Variants in RSPO2 observed in about 807,000 individuals in gnomAD.
The protein encoded by RSPO2 is R-spondin 2.
In RSPO2, 14 loss-of-function variants were observed where a neutral mutation model predicts 30.9. That is an observed-to-expected ratio of 0.45 (90% CI 0.30 to 0.71). RSPO2 has a LOEUF of 0.71. Ranked by LOEUF, RSPO2 falls within the 30% of genes least tolerant of loss-of-function variation. RSPO2 has a pLI of 0.08. For synonymous variants in RSPO2, 107 were observed against 96.4 expected (o/e 1.11, Z -0.64); for missense variants, 264 against 301.9 (o/e 0.87, Z 0.93).
intron 2 of RSPO2, among the ~76,000 whole-genome samples, chr8:108,064,156 A>C (rs1411034253): frequency 3.9e-5 from 6 of 152,202 alleles, no homozygotes; most frequent in Non-Finnish European, 8.8e-5. Flanking sequence ...AACCAATGGC[A>C]ACAAAAGCCA....
At chr8:107,979,066 C>G (rs1467345852) in intron 3 of RSPO2, among the ~76,000 whole-genome samples, 1 of 152,172 alleles carries the variant, frequency 6.6e-6, no homozygotes, top group African/African-American at 2.4e-5. Flanking sequence ...AATAGGAACA[C>G]TTTTACATTG....
intron 5 of RSPO2, among the ~76,000 whole-genome samples, chr8:107,939,025 C>T (rs866921280): frequency 6.6e-6 from 1 of 152,080 alleles, no homozygotes; most frequent in African/African-American, 2.4e-5. Context: ...CCTCCAAGAG[C>T]GAAGCCAGGT....
At chr8:107,965,676 AAC>A (rs1460005069) in intron 3 of RSPO2, among the ~76,000 whole-genome samples, 4 of 152,068 alleles carry the variant, frequency 2.6e-5, no homozygotes, top group African/African-American at 9.7e-5. Flanking sequence ...CCCCATTCCT[AAC>A]ACAGTATTGG....
At chr8:108,019,158 C>T (rs540575579) in intron 2 of RSPO2, among the ~76,000 whole-genome samples, 5 of 152,166 alleles carry the variant, frequency 3.3e-5, no homozygotes, top group Admixed American at 6.5e-5. Flanking sequence ...TAAAAAAACA[C>T]GGCCTGGCCA....
At chr8:108,044,359 A>G (rs1168003163) in intron 2 of RSPO2, among the ~76,000 whole-genome samples, 1 of 152,096 alleles carries the variant, frequency 6.6e-6, no homozygotes, top group Non-Finnish European at 1.5e-5. Flanking sequence ...CATAGTACCC[A>G]ACAGGTAATT....
intron 2 of RSPO2, among the ~76,000 whole-genome samples, chr8:108,031,530 CA>C (rs1811421884): frequency 6.6e-6 from 1 of 152,064 alleles, no homozygotes; most frequent in Admixed American, 6.6e-5. Flanking sequence ...AAAGCTCTTT[CA>C]AGATAAGATA....
chr8:108,038,342 G>A (rs1003629893), intron 2 of RSPO2, among the ~76,000 whole-genome samples: 1 of 152,182 alleles, frequency 6.6e-6, no homozygotes, highest in African/African-American at 2.4e-5. Flanking sequence ...GAATGGATGA[G>A]GAGTTGCTTC....
At chr8:108,054,554 C>A (rs1474518391) in intron 2 of RSPO2, among the ~76,000 whole-genome samples, 1 of 152,172 alleles carries the variant, frequency 6.6e-6, no homozygotes, top group Non-Finnish European at 1.5e-5. Flanking sequence ...GAAACATAGT[C>A]TAGCGACAGC....
chr8:108,022,573 C>T (rs1811089187), intron 2 of RSPO2, among the ~76,000 whole-genome samples: 1 of 152,092 alleles, frequency 6.6e-6, no homozygotes, highest in Non-Finnish European at 1.5e-5. Context: ...AATCATTTTG[C>T]TCTGTATTTA....
At chr8:107,974,724 AG>A (rs1814148756) in intron 3 of RSPO2, among the ~76,000 whole-genome samples, 2 of 151,882 alleles carry the variant, frequency 1.3e-5, no homozygotes, top group Non-Finnish European at 2.9e-5. Flanking sequence ...AAAAGCAGGG[AG>A]GGGGGAAGAA....
intron 2 of RSPO2, among the ~76,000 whole-genome samples, chr8:107,990,718 G>A (rs1188967902): frequency 6.6e-6 from 1 of 152,022 alleles, no homozygotes; most frequent in Non-Finnish European, 1.5e-5. Context: ...AAATTCACAT[G>A]GAACCAAAAA....
chr8:108,007,367 G>A (rs1815485801), intron 2 of RSPO2, among the ~76,000 whole-genome samples: 3 of 150,042 alleles, frequency 2.0e-5, no homozygotes. Context: ...TTTGGTGAAA[G>A]TTTATTGGGA....
At chr8:107,929,522 C>T (rs1812486569) in intron 5 of RSPO2, among the ~76,000 whole-genome samples, 1 of 152,078 alleles carries the variant, frequency 6.6e-6, no homozygotes, top group African/African-American at 2.4e-5. Context: ...ATGCACACTG[C>T]TCTTGGCTAA....
intron 2 of RSPO2, among the ~76,000 whole-genome samples, chr8:108,066,290 A>C (rs1422110520): frequency 6.6e-6 from 1 of 152,170 alleles, no homozygotes; most frequent in African/African-American, 2.4e-5. Flanking sequence ...CTGTTTTTCC[A>C]TCCAATGAGC....
intron 2 of RSPO2, among the ~76,000 whole-genome samples, chr8:108,035,985 C>T (rs930424528): frequency 6.6e-6 from 1 of 152,126 alleles, no homozygotes; most frequent in African/African-American, 2.4e-5. Flanking sequence ...GACCCAGAGG[C>T]ATCTTATGAA....
At chr8:107,910,377 A>G (rs1811784351) in intron 5 of RSPO2, among the ~76,000 whole-genome samples, 1 of 152,230 alleles carries the variant, frequency 6.6e-6, no homozygotes, top group Non-Finnish European at 1.5e-5. Context: ...TGGCAGCTAT[A>G]TAAGATAATG....
At chr8:107,974,692 G>A (rs1814146557) in intron 3 of RSPO2, among the ~76,000 whole-genome samples, 1 of 152,008 alleles carries the variant, frequency 6.6e-6, no homozygotes, top group African/African-American at 2.4e-5. Flanking sequence ...GAGGGAGAGA[G>A]ACAGGGAGAG....
chr8:108,064,575 G>A (rs1812597645), intron 2 of RSPO2, among the ~76,000 whole-genome samples: 1 of 152,144 alleles, frequency 6.6e-6, no homozygotes, highest in Non-Finnish European at 1.5e-5. Flanking sequence ...ACTGTTGGTG[G>A]GACTGTAAAC....
At chr8:107,941,865 C>T (rs1410345803) in intron 5 of RSPO2, among the ~76,000 whole-genome samples, 1 of 152,050 alleles carries the variant, frequency 6.6e-6, no homozygotes, top group Non-Finnish European at 1.5e-5. Flanking sequence ...AGGAAAAAAA[C>T]ATGAAAAGGG....
Sources: allele counts gnomAD v4.1 joint callset (sites outside exome capture counted in the v4.1 genomes callset), GRCh38; gene constraint gnomAD v4.1.1; transcripts MANE v1.5; gene names NCBI Gene and HGNC (gene_info 2026-07-23, HGNC 2026-07-21).